The following FAAH2 variants were observed in gnomAD, a reference collection of about 807,000 sequenced individuals.
The protein encoded by FAAH2 is fatty acid amide hydrolase 2.
In FAAH2, 60 loss-of-function variants were observed where a neutral mutation model predicts 36.9. The ratio of observed to expected loss-of-function variants is 1.63; its 90% CI spans 1.32 to 2.02. The LOEUF (loss-of-function observed/expected upper bound fraction) is 2.02, where lower values mean the gene tolerates loss of function less well. Among genes scored for constraint, FAAH2 ranks in the 30% most tolerant of loss-of-function variants. The pLI is 0.00. For synonymous variants in FAAH2, 214 were observed against 143.8 expected (o/e 1.49, Z -3.49); for missense variants, 689 against 397.5 (o/e 1.73, Z -6.23).
chrX:57,336,619 C>A (rs1389525526), intron 4 of FAAH2, among the ~76,000 whole-genome samples: 1 of 111,849 alleles, frequency 8.9e-6, no homozygotes, highest in Non-Finnish European at 1.9e-5. Context: ...GGAAATCAAA[C>A]AACCTGCTCC....
At chrX:57,347,621 T>A (rs1355104796) in intron 5 of FAAH2, among the ~76,000 whole-genome samples, 4 of 33,020 alleles carry the variant, frequency 1.2e-4, no homozygotes, top group Non-Finnish European at 1.7e-4. Context: ...TTTTTTTTTT[T>A]TTTTTTTTTT....
intron 10 of FAAH2, among the ~76,000 whole-genome samples, chrX:57,486,570 AC>A (rs907102156): frequency 9.0e-6 from 1 of 110,921 alleles, no homozygotes. Flanking sequence ...TGTGAACCCC[AC>A]CCTTTTTCTT....
At chrX:57,278,397 C>T in the FAAH2 span, among the ~76,000 whole-genome samples, 1 of 111,248 alleles carries the variant, frequency 9.0e-6, no homozygotes, top group South Asian at 3.8e-4. Flanking sequence ...GAAACTGGAT[C>T]CCTTCCTTAC....
rs73516815 is a variant in FAAH2, at chrX:57,341,474, C to T, written c.742+84C>T. On this transcript the variant is annotated intron_variant, in intron 5 of 10. Coordinates refer to ENST00000374900, the MANE Select transcript of FAAH2 (RefSeq NM_174912.4). ...ATTTTGTTCTAGCAGGATTATCTTG[C>T]TTATCAGGGTGATTATTATATATTT... is the stretch of plus-strand genomic sequence containing the variant. 1.4e-3 allele frequency: 1,451 copies of T among 1,003,641 alleles called. 15 individuals carry two copies. In the African/African-American group the frequency reaches 0.025, roughly 17 times the overall value. The allele number at this position is 1,003,641 out of a possible 1,213,427, so 82.7% of individuals were successfully genotyped here.
the FAAH2 span, among the ~76,000 whole-genome samples, chrX:57,193,236 C>T: frequency 5.4e-5 from 6 of 111,390 alleles, no homozygotes; most frequent in East Asian, 2.8e-4. Context: ...CTTCTATGGT[C>T]GAAACTGTAG....
At chrX:57,194,278 C>A in the FAAH2 span, among the ~76,000 whole-genome samples, 1 of 110,928 alleles carries the variant, frequency 9.0e-6, no homozygotes, top group African/African-American at 3.3e-5. Context: ...AGGAATTTGT[C>A]CATTTCTTCT....
chrX:57,167,037 C>A, the FAAH2 span, among the ~76,000 whole-genome samples: 1 of 111,570 alleles, frequency 9.0e-6, no homozygotes, highest in African/African-American at 3.3e-5. Context: ...TATTTACACA[C>A]AGTGTAGGCG....
chrX:57,347,055 T>C (rs2053841778), intron 5 of FAAH2, among the ~76,000 whole-genome samples: 1 of 111,378 alleles, frequency 9.0e-6, no homozygotes, highest in African/African-American at 3.3e-5. Flanking sequence ...GATGGTCATC[T>C]TGTATAGTAC....
intron 4 of FAAH2, among the ~76,000 whole-genome samples, chrX:57,338,449 G>T (rs2053607964): frequency 9.1e-6 from 1 of 109,420 alleles, no homozygotes; most frequent in Admixed American, 9.8e-5. Context: ...ATCAGTTAAG[G>T]TGGGGCAGGA....
At chrX:57,276,178 G>A in the FAAH2 span, among the ~76,000 whole-genome samples, 1 of 111,883 alleles carries the variant, frequency 8.9e-6, no homozygotes, top group African/African-American at 3.3e-5. Context: ...TGGAAGTAAA[G>A]CACTCCTTAG....
intron 7 of FAAH2, among the ~76,000 whole-genome samples, chrX:57,408,147 T>C (rs1041118393): frequency 2.7e-5 from 3 of 111,246 alleles, no homozygotes; most frequent in African/African-American, 9.8e-5. Flanking sequence ...TCATGGCTTT[T>C]TGTAGTTCCA....
intron 10 of FAAH2, among the ~76,000 whole-genome samples, chrX:57,449,542 G>T (rs747502335): frequency 9.0e-6 from 1 of 111,354 alleles, no homozygotes; most frequent in Non-Finnish European, 1.9e-5. Flanking sequence ...TTAACATAAG[G>T]GTTGTGGAGG....
At chrX:57,144,160 T>C in the FAAH2 span, among the ~76,000 whole-genome samples, 1 of 112,034 alleles carries the variant, frequency 8.9e-6, no homozygotes, top group Non-Finnish European at 1.9e-5. Flanking sequence ...GCAAGGTTTC[T>C]GCTAAGAAGT....
At chrX:57,241,643 C>T in the FAAH2 span, among the ~76,000 whole-genome samples, 2 of 111,695 alleles carry the variant, frequency 1.8e-5, no homozygotes, top group African/African-American at 3.3e-5. Flanking sequence ...TGCACCATCA[C>T]TAAAGCAGTA....
intron 7 of FAAH2, among the ~76,000 whole-genome samples, chrX:57,425,220 A>G (rs1443451205): frequency 1.8e-5 from 2 of 111,811 alleles, no homozygotes; most frequent in Admixed American, 1.9e-4. Context: ...GTTTGGAACT[A>G]TGTAAAATCT....
At chrX:57,169,471 T>C in the FAAH2 span, among the ~76,000 whole-genome samples, 1 of 56,935 alleles carries the variant, frequency 1.8e-5, no homozygotes, top group South Asian at 1.2e-3. Flanking sequence ...TAGGCTATAA[T>C]TTCCAGTTGT....
intron 3 of FAAH2, among the ~76,000 whole-genome samples, chrX:57,326,442 T>C (rs959134179): frequency 6.1e-4 from 70 of 114,215 alleles, no homozygotes; most frequent in African/African-American, 2.3e-3. Context: ...AGTGGGGTGT[T>C]AAAGTCTCCC....
chrX:57,271,862 A>G, the FAAH2 span, among the ~76,000 whole-genome samples: 1 of 110,343 alleles, frequency 9.1e-6, no homozygotes, highest in Non-Finnish European at 1.9e-5. Context: ...AAGGATCACA[A>G]CTCTTCACCA....
At chrX:57,452,898 C>T (rs2056809887) in intron 10 of FAAH2, among the ~76,000 whole-genome samples, 1 of 112,184 alleles carries the variant, frequency 8.9e-6, no homozygotes, top group African/African-American at 3.2e-5. Context: ...TTCCCCTCCG[C>T]TTCTCAGATA....
Sources: allele counts gnomAD v4.1 joint callset (sites outside exome capture counted in the v4.1 genomes callset), GRCh38; gene constraint gnomAD v4.1.1; transcripts MANE v1.5; gene names NCBI Gene and HGNC (gene_info 2026-07-23, HGNC 2026-07-21).